Variants in TMEM132B observed in about 807,000 individuals in gnomAD.
TMEM132B encodes the protein transmembrane protein 132B.
A neutral mutation model predicts 90.8 loss-of-function variants in TMEM132B; 18 were observed. The ratio of observed to expected loss-of-function variants is 0.20; its 90% CI spans 0.14 to 0.29. The LOEUF is 0.29. TMEM132B is among the 10% of genes least tolerant of loss of function. The pLI, the probability that TMEM132B is intolerant of heterozygous loss-of-function variation, is 1.00. For synonymous variants in TMEM132B, 504 were observed against 523.3 expected, an observed-to-expected ratio of 0.96 and a Z score of 0.50; for missense variants, 1,096 against 1,326.8, an observed-to-expected ratio of 0.83 and a Z score of 2.70.
intron 5 of TMEM132B, among the ~76,000 whole-genome samples, chr12:125,621,042 C>T (rs1886101331): frequency 6.6e-6 from 1 of 152,224 alleles, no homozygotes; most frequent in Admixed American, 6.5e-5. Flanking sequence ...GAAGTTAAAT[C>T]ACCATTAATA....
chr12:125,306,899 G>A (rs1406424472), intron 1 of TMEM132B, among the ~76,000 whole-genome samples: 1 of 152,172 alleles, frequency 6.6e-6, no homozygotes, highest in African/African-American at 2.4e-5. Flanking sequence ...ATGACTTCCT[G>A]TCTGTTTACT....
At chr12:125,505,421 G>A (rs1393538696) in intron 3 of TMEM132B, among the ~76,000 whole-genome samples, 2 of 151,988 alleles carry the variant, frequency 1.3e-5, no homozygotes, top group East Asian at 1.9e-4. Context: ...TACTGGGGCC[G>A]GGTGCGGGGG....
At chr12:125,508,608 A>G (rs1882902242) in intron 3 of TMEM132B, among the ~76,000 whole-genome samples, 1 of 152,108 alleles carries the variant, frequency 6.6e-6, no homozygotes, top group Admixed American at 6.5e-5. Flanking sequence ...AGATGCTTCT[A>G]CTTGATGGAG....
rs1010318379 is a variant in TMEM132B at position 125,658,578 on chromosome 12, T to C, written c.*3868T>C. 6.6e-6 allele frequency: 1 copy of C among 152,364 alleles called. No homozygotes were observed. Among genetic ancestry groups the C allele is most frequent in the African/African-American group, 2.4e-5 (1 of 41,584 alleles). The allele number at this position is 152,364 out of a possible 1,614,324, so 9.4% of individuals were successfully genotyped here. On this transcript the variant is annotated 3_prime_UTR_variant, in exon 9 of 9. Transcript: ENST00000682704. ...CCTCACCTTTTATTAAAATTATATA[T>C]GTGTGATGTAATGCATATCACCTGT...
chr12:125,643,030 T>G (rs1372372198), intron 5 of TMEM132B, among the ~76,000 whole-genome samples: 2 of 152,204 alleles, frequency 1.3e-5, no homozygotes, highest in Non-Finnish European at 2.9e-5. Flanking sequence ...CTTCTGACAT[T>G]GTTCTTGAGC....
chr12:125,260,203 C>T (rs1257109350), intron 1 of TMEM132B, among the ~76,000 whole-genome samples: 2 of 152,148 alleles, frequency 1.3e-5, no homozygotes, highest in Admixed American at 1.3e-4. Flanking sequence ...GTTTATGGAG[C>T]TTTGGGGCTC....
At position 125,407,727 on chromosome 12, in the gene TMEM132B, C is replaced by T. The variant is rs115013148; in HGVS notation, c.960-7804C>T. The stretch of plus-strand genomic sequence containing the variant: ...CTCAGAACCAAAGGGACCGCGGACA[C>T]CTGGTGGAGGTCTGGGGGAGAAACG... On this transcript the variant is annotated intron_variant, in intron 2 of 8. Coordinates refer to ENST00000682704, the MANE Select transcript of TMEM132B (RefSeq NM_001366854.1). The surrounding 1 kb of genome is among the most constrained non-coding windows in gnomAD (Gnocchi z 6.7). Among the ~76,000 whole-genome samples, 573 of 152,258 alleles carry T rather than the reference C, an allele frequency of 3.8e-3. 8 individuals carry two copies. The highest frequency in any genetic ancestry group is 0.013 in the African/African-American group (553 of 41,530).
At chr12:125,621,159 G>A (rs1048683393) in intron 5 of TMEM132B, among the ~76,000 whole-genome samples, 9 of 152,160 alleles carry the variant, frequency 5.9e-5, no homozygotes, top group Non-Finnish European at 8.8e-5. Context: ...AATGGGTCAC[G>A]TTTATAAATC....
intron 3 of TMEM132B, among the ~76,000 whole-genome samples, chr12:125,479,991 C>CCTGCT (rs1487516602): frequency 6.6e-6 from 1 of 152,178 alleles, no homozygotes; most frequent in Non-Finnish European, 1.5e-5. Flanking sequence ...AACTGAACAA[C>CCTGCT]CTGCTCCTGA....
intron 1 of TMEM132B, among the ~76,000 whole-genome samples, chr12:125,233,534 A>G (rs917695472): frequency 4.6e-5 from 7 of 152,240 alleles, no homozygotes; most frequent in African/African-American, 7.2e-5. Context: ...CCAGAAGTCA[A>G]TGACTCATAG....
At chr12:125,392,823 C>T (rs955110232) in intron 2 of TMEM132B, among the ~76,000 whole-genome samples, 4 of 152,184 alleles carry the variant, frequency 2.6e-5, no homozygotes, top group African/African-American at 7.2e-5. Context: ...ATGAGGAACA[C>T]CTGAGGTAAT....
In TMEM132B at chr12:125,186,753, G is replaced by C. The variant is rs1461569199; in HGVS notation, c.-47G>C. On this transcript the variant is annotated 5_prime_UTR_variant, in exon 1 of 9. Coordinates refer to ENST00000682704, the MANE Select transcript of TMEM132B (RefSeq NM_001366854.1). The surrounding 1 kb of genome is among the most constrained non-coding windows in gnomAD (Gnocchi z 6.3). ...CCGGGAGCCGCGGGCCGGGCCGGGCGCGCGAGAGGAGCAGCCCCGCGCCGC... is the reference window on the plus strand; with the variant it reads ...CCGGGAGCCGCGGGCCGGGCCGGGCCCGCGAGAGGAGCAGCCCCGCGCCGC... The C allele has an allele frequency of 6.8e-6, 1 of 147,386 alleles. No homozygotes were observed. The highest frequency in any genetic ancestry group is 1.5e-5 in the Non-Finnish European group (1 of 66,224). 9.1% of individuals were successfully genotyped at this position (147,386 alleles called of 1,614,324 possible). A position where few individuals can be genotyped will look rare whatever the true frequency, so the allele number is the denominator to read the frequency against.
intron 4 of TMEM132B, among the ~76,000 whole-genome samples, chr12:125,581,114 T>C (rs1278795803): frequency 2.0e-5 from 3 of 152,140 alleles, no homozygotes; most frequent in African/African-American, 7.2e-5. Flanking sequence ...GAATCATAAG[T>C]TTGCATCAGT....
At chr12:125,222,186 C>T (rs1873574083) in intron 1 of TMEM132B, among the ~76,000 whole-genome samples, 2 of 152,148 alleles carry the variant, frequency 1.3e-5, no homozygotes, top group South Asian at 4.2e-4. Flanking sequence ...GTTTGTGACT[C>T]CCAGGGGACA....
chr12:125,229,600 A>G (rs1171815415), intron 1 of TMEM132B, among the ~76,000 whole-genome samples: 2 of 152,374 alleles, frequency 1.3e-5, no homozygotes, highest in African/African-American at 4.8e-5. Flanking sequence ...CTATCTATAG[A>G]AAAATAGTCA....
intron 3 of TMEM132B, among the ~76,000 whole-genome samples, chr12:125,515,859 C>T (rs1883139038): frequency 2.0e-5 from 3 of 151,628 alleles, no homozygotes; most frequent in Non-Finnish European, 4.4e-5. Context: ...CACACATTCT[C>T]CCTGTCACAC....
chr12:125,589,230 C>A (rs1338337095), intron 5 of TMEM132B, among the ~76,000 whole-genome samples: 2 of 151,962 alleles, frequency 1.3e-5, no homozygotes, highest in Non-Finnish European at 2.9e-5. Context: ...CGCCTGTAAT[C>A]CCAGCACTTT....
intron 1 of TMEM132B, among the ~76,000 whole-genome samples, chr12:125,245,454 C>T (rs1029750824): frequency 6.7e-6 from 1 of 150,182 alleles, no homozygotes; most frequent in Non-Finnish European, 1.5e-5. Context: ...GAATTCTGAC[C>T]CTGGAAGGTC....
chr12:125,398,873 C>T (rs1327024555), intron 2 of TMEM132B, among the ~76,000 whole-genome samples: 1 of 152,178 alleles, frequency 6.6e-6, no homozygotes, highest in African/African-American at 2.4e-5. Context: ...GGCTGCAGCC[C>T]AGGTGTTGTC....
Sources: gnomAD v4.1 joint callset for allele counts (sites outside exome capture counted in the v4.1 genomes callset) on GRCh38, gnomAD v4.1.1 for gene constraint, Gnocchi (gnomAD v3.1) non-coding constraint, MANE v1.5 for transcripts, NCBI Gene and HGNC (gene_info 2026-07-23, HGNC 2026-07-21) for gene names.